The following LRRC49 variants were observed in gnomAD, a reference collection of about 807,000 sequenced individuals.
The protein encoded by LRRC49 is leucine rich repeat containing 49, also known as leucine-rich repeat-containing protein 49.
A neutral mutation model predicts 83.3 loss-of-function variants in LRRC49; 50 were observed. The observed-to-expected ratio is 0.60, with a 90% CI of 0.48 to 0.76. LRRC49 has a LOEUF of 0.76. LRRC49 is among the 30% of genes least tolerant of loss of function. The probability of loss-of-function intolerance (pLI) is 0.00; values close to 1 mark genes in which losing one functional copy is unlikely to be tolerated. For missense variants in LRRC49, 704 were observed against 809.1 expected, an observed-to-expected ratio of 0.87 and a Z score of 1.58; for synonymous variants, 286 against 283.3, an observed-to-expected ratio of 1.01 and a Z score of -0.10.
intron 8 of LRRC49, among the ~76,000 whole-genome samples, chr15:70,948,429 G>A (rs1292454397): frequency 6.7e-6 from 1 of 150,290 alleles, no homozygotes; most frequent in Non-Finnish European, 1.5e-5. Context: ...CTGTTAAAAT[G>A]TACTTGTATT....
chr15:71,034,576 C>T (rs1477577832), intron 14 of LRRC49, among the ~76,000 whole-genome samples: 1 of 152,116 alleles, frequency 6.6e-6, no homozygotes, highest in East Asian at 1.9e-4. Flanking sequence ...ATAACATGTA[C>T]ATGTATGTTT....
chr15:70,956,323 G>A (rs2036399701), intron 8 of LRRC49, among the ~76,000 whole-genome samples: 1 of 152,028 alleles, frequency 6.6e-6, no homozygotes, highest in African/African-American at 2.4e-5. Flanking sequence ...AGGTTCTTTA[G>A]CAGATAGGAA....
intron 6 of LRRC49, among the ~76,000 whole-genome samples, chr15:70,914,363 G>T (rs943116594): frequency 4.6e-5 from 7 of 152,204 alleles, no homozygotes; most frequent in South Asian, 2.1e-4. Flanking sequence ...ATAAAAATAT[G>T]CTTGGTGCAC....
chr15:70,898,507 G>A (rs1024231105), intron 3 of LRRC49: 1 of 674,700 alleles, frequency 1.5e-6, no homozygotes, highest in African/African-American at 1.8e-5. Context: ...GGTTGCTATG[G>A]CTCATGCCTG....
chr15:70,955,964 GC>G (rs1255917111), intron 8 of LRRC49, among the ~76,000 whole-genome samples: 1 of 152,094 alleles, frequency 6.6e-6, no homozygotes, highest in Non-Finnish European at 1.5e-5. Flanking sequence ...TTTCACTTCA[GC>G]CCTCTAGGCA....
chr15:71,038,796 CT>C (rs1307270770), intron 15 of LRRC49, among the ~76,000 whole-genome samples: 1 of 152,148 alleles, frequency 6.6e-6, no homozygotes, highest in East Asian at 1.9e-4. Context: ...TATGAAAATG[CT>C]TCAAATACTT....
chr15:71,012,510 T>A lies in LRRC49; in HGVS notation c.1594-294T>A, dbSNP rs74894181. On this transcript the variant is annotated intron_variant, in intron 13 of 15. Transcript: ENST00000260382. ...CTATAGGATTTCTGAAAAAAAAAAATACTAAAAATTGAAGGTACCTCAAGT... is the reference window on the plus strand; with the variant it reads ...CTATAGGATTTCTGAAAAAAAAAAAAACTAAAAATTGAAGGTACCTCAAGT... Among the ~76,000 whole-genome samples the A allele has an allele frequency of 5.2e-3, 791 of 150,942 alleles. 4 individuals carry two copies. The highest frequency in any genetic ancestry group is 9.2e-3 in the Non-Finnish European group (620 of 67,696).
intron 9 of LRRC49, among the ~76,000 whole-genome samples, chr15:70,978,077 C>T (rs760481972): frequency 6.6e-6 from 1 of 152,066 alleles, no homozygotes; most frequent in Non-Finnish European, 1.5e-5. Context: ...TTTTCAGGAG[C>T]ATGTATAATG....
chr15:70,943,206 T>A (rs1297318333), intron 8 of LRRC49, among the ~76,000 whole-genome samples: 1 of 152,124 alleles, frequency 6.6e-6, no homozygotes, highest in African/African-American at 2.4e-5. Context: ...TCTAAAGTGA[T>A]ACTTATTATA....
At chr15:70,938,843 A>T (rs1347047912) in intron 8 of LRRC49, among the ~76,000 whole-genome samples, 1 of 152,172 alleles carries the variant, frequency 6.6e-6, no homozygotes, top group Non-Finnish European at 1.5e-5. Context: ...TAAAAATACC[A>T]GTGGTCTGTG....
intron 8 of LRRC49, among the ~76,000 whole-genome samples, chr15:70,940,251 A>ATTTT (rs398027829): frequency 1.1e-5 from 1 of 87,058 alleles, no homozygotes; most frequent in Admixed American, 1.4e-4. Context: ...GAATATATGG[A>ATTTT]TTTTTTTTTT....
chr15:70,946,562 G>C (rs920487604), intron 8 of LRRC49, among the ~76,000 whole-genome samples: 8 of 152,108 alleles, frequency 5.3e-5, no homozygotes, highest in African/African-American at 1.9e-4. Context: ...TGGGAGTACA[G>C]ATACGTTTTC....
intron 9 of LRRC49, among the ~76,000 whole-genome samples, chr15:70,979,035 T>A (rs2037306742): frequency 6.6e-6 from 1 of 152,176 alleles, no homozygotes; most frequent in Non-Finnish European, 1.5e-5. Context: ...TTGTCTTTTA[T>A]GAATAAATTG....
chr15:70,883,760 T>C (rs1793824899), intron 2 of LRRC49, among the ~76,000 whole-genome samples: 2 of 151,522 alleles, frequency 1.3e-5, no homozygotes, highest in African/African-American at 4.9e-5. Flanking sequence ...GTTCAAGCAA[T>C]TGTCGTGCCT....
chr15:71,028,435 A>G (rs924574206), intron 14 of LRRC49, among the ~76,000 whole-genome samples: 2 of 152,046 alleles, frequency 1.3e-5, no homozygotes, highest in Non-Finnish European at 2.9e-5. Flanking sequence ...GCCAGGTTTC[A>G]GTATCAGGAT....
At chr15:70,902,918 G>A (rs568538576) in intron 4 of LRRC49, among the ~76,000 whole-genome samples, 75 of 152,296 alleles carry the variant, frequency 4.9e-4, no homozygotes, top group African/African-American at 1.8e-3. Flanking sequence ...TTTTGTTGGA[G>A]TGACAGGGGT....
upstream of LRRC49, chr15:70,892,575 A>T: frequency 2.0e-6 from 3 of 1,484,098 alleles, no homozygotes; most frequent in East Asian, 2.5e-5. Flanking sequence ...AACGGACCGG[A>T]AGTGGTGGTG....
chr15:71,002,939 C>CT (rs35998597), intron 11 of LRRC49, among the ~76,000 whole-genome samples: 4,097 of 42,880 alleles, frequency 0.096, 1,473 homozygotes, highest in African/African-American at 0.16. Context: ...ATTTTCTGGC[C>CT]TTTTTTTTTT....
At chr15:70,900,277 CT>C in intron 3 of LRRC49, 3 of 360,386 alleles carry the variant, frequency 8.3e-6, no homozygotes, top group Non-Finnish European at 1.1e-5. Flanking sequence ...GTGTCATATA[CT>C]TTGTGGACCC....
Sources: gnomAD v4.1 joint callset for allele counts (sites outside exome capture counted in the v4.1 genomes callset) on GRCh38, gnomAD v4.1.1 for gene constraint, MANE v1.5 for transcripts, NCBI Gene and HGNC (gene_info 2026-07-23, HGNC 2026-07-21) for gene names.